The following RNF166 variants were observed in gnomAD, a reference collection of about 807,000 sequenced individuals.
The protein encoded by RNF166 is ring finger protein 166.
In RNF166, 19 loss-of-function variants were observed where a neutral mutation model predicts 29.4. The ratio of observed to expected loss-of-function variants is 0.65; its 90% CI spans 0.45 to 0.95. The LOEUF is 0.95. RNF166 is among the 40% of genes least tolerant of loss of function. The probability of loss-of-function intolerance (pLI) is 0.00; values close to 1 mark genes in which losing one functional copy is unlikely to be tolerated. For synonymous variants in RNF166, 171 were observed against 134.5 expected, an observed-to-expected ratio of 1.27 and a Z score of -1.88; for missense variants, 347 against 322.1, an observed-to-expected ratio of 1.08 and a Z score of -0.59.
chr16:88,699,949 G>A (rs995152987), intron 2 of RNF166: 13 of 442,956 alleles, frequency 2.9e-5, no homozygotes, highest in Non-Finnish European at 5.2e-5. Context: ...GGACAATCTG[G>A]CCGAGGGCAG....
chr16:88,703,564 G>A (rs1910483333), intron 1 of RNF166: 1 of 985,416 alleles, frequency 1.0e-6, no homozygotes, highest in Non-Finnish European at 1.2e-6. Context: ...TGCTCTATCG[G>A]CCTAGTTTCC....
chr16:88,703,268 A>C (rs940914065), intron 1 of RNF166: 1 of 983,640 alleles, frequency 1.0e-6, no homozygotes, highest in African/African-American at 1.7e-5. Context: ...GCATAATTGC[A>C]AACACACTGG....
In RNF166 at chr16:88,698,504, C is replaced by A; in HGVS notation, c.646G>T (p.Val216Leu). Residue 216 changes from valine (V) to leucine (L), a missense_variant and splice_region_variant, in exon 5 of 6, where the codon GTG becomes TTG. Val to Leu is a conservative substitution (Grantham distance 32, BLOSUM62 1). Transcript: ENST00000312838. ...GACGGTGCTGGCGGGATGCCTACCA[C>A]AAAGGTGTCGTAGGAGAACTTGTGT... ...HRHKFSYDTF[V>L]DYSIDEEAAF... 6.4e-7 allele frequency: 1 copy of A among 1,565,210 alleles called. No individual in the cohort carries two copies. The highest frequency in any genetic ancestry group is 8.7e-7 in the Non-Finnish European group (1 of 1,154,630).
At chr16:88,704,334 CA>C in intron 1 of RNF166, 1 of 985,384 alleles carries the variant, frequency 1.0e-6, no homozygotes, top group Non-Finnish European at 1.2e-6. Flanking sequence ...CTTTGAAAGG[CA>C]AAGGCTGTGT....
At chr16:88,700,630 AGTCCTCCG>A (rs1910120696) in intron 2 of RNF166, 1 of 986,262 alleles carries the variant, frequency 1.0e-6, no homozygotes, top group Non-Finnish European at 1.2e-6. Flanking sequence ...CTAGCTGCTC[AGTCCTCCG>A]GAAGCCACTG....
chr16:88,704,938 C>T lies in RNF166; in HGVS notation c.155+1233G>A, dbSNP rs1597415074. On this transcript the variant is annotated intron_variant, in intron 1 of 5. Coordinates refer to ENST00000312838, the MANE Select transcript of RNF166 (RefSeq NM_178841.4). ...CCAGGAGATGGAGGTTGCGGTGAGCCGAGATGGCGCCACTGCACTCCAGGC... is the reference window on the plus strand; with the variant it reads ...CCAGGAGATGGAGGTTGCGGTGAGCTGAGATGGCGCCACTGCACTCCAGGC... 3.3e-5 allele frequency among the ~76,000 whole-genome samples: 5 copies of T among 152,244 alleles called. No homozygotes were observed. The South Asian group carries it at 6.2e-4, about 19-fold the overall frequency.
Position 88,706,382 on chromosome 16 carries a change from T to A in RNF166, c.-57A>T. 8.2e-7 allele frequency: 1 copy of A among 1,212,662 alleles called. No individual in the cohort carries two copies. Among genetic ancestry groups the A allele is most frequent in the Non-Finnish European group, 1.0e-6 (1 of 971,160 alleles). 75.1% of individuals were successfully genotyped at this position (1,212,662 alleles called of 1,614,324 possible). A position where few individuals can be genotyped will look rare whatever the true frequency, so the allele number is the denominator to read the frequency against. ...GCTGTCCTGGCCCGGGCCGGCCCGC[T>A]AGTCACAGCCGCTACTGCGCCGCGC... On this transcript the variant is annotated 5_prime_UTR_variant, in exon 1 of 6. Transcript: ENST00000312838.
At chr16:88,699,597 C>T (rs775351264) in intron 3 of RNF166, 23 bp downstream of exon 3, 1 of 1,582,324 alleles carries the variant, frequency 6.3e-7, no homozygotes, top group South Asian at 1.1e-5. Context: ...CAGTTCCTCT[C>T]CCTTGCCCGG....
intron 4 of RNF166, 113 bp downstream of exon 4, chr16:88,698,858 G>A: frequency 4.8e-6 from 4 of 829,404 alleles, no homozygotes; most frequent in South Asian, 1.5e-5. Context: ...GGTCCCAGGA[G>A]GCCTTTGTGG....
At chr16:88,703,365 G>A in intron 1 of RNF166, 1 of 985,502 alleles carries the variant, frequency 1.0e-6, no homozygotes, top group Non-Finnish European at 1.2e-6. Context: ...GCCACGGGCT[G>A]AGGGGAAGGA....
intron 1 of RNF166, 39 bp from the exon 2 acceptor site, chr16:88,701,457 G>A (rs112181356): frequency 7.3e-6 from 11 of 1,510,956 alleles, no homozygotes; most frequent in East Asian, 4.7e-5. Context: ...CCCGCCCCTC[G>A]GGTCTCCCGA....
At chr16:88,703,100 A>G (rs989606337) in intron 1 of RNF166, 10 of 985,444 alleles carry the variant, frequency 1.0e-5, no homozygotes, top group African/African-American at 3.5e-5. Context: ...GCAGACAGCA[A>G]GCACGTCCCA....
Position 88,703,168 on chromosome 16 carries a change from A to AGAAAG in RNF166, c.156-1755_156-1751dup, listed in dbSNP as rs1910435891. 3 of 984,734 alleles carry AGAAAG rather than the reference A, an allele frequency of 3.0e-6. No homozygotes were observed. In the South Asian group the frequency reaches 1.4e-4, roughly 46 times the overall value. 61.0% of individuals were successfully genotyped at this position (984,734 alleles called of 1,614,324 possible). ...TCCAGCAGAGAGAAACCCAGTGACC[A>AGAAAG]GAAAGCAGACGGGTGGGTGCCAGGC... On this transcript the variant is annotated intron_variant, in intron 1 of 5. Coordinates refer to ENST00000312838, the MANE Select transcript of RNF166 (RefSeq NM_178841.4).
chr16:88,706,358 C>T lies in RNF166; in HGVS notation c.-33G>A, dbSNP rs546331761. ...CCAGGCCCGCGCCGCCCGCCGCCCG[C>T]TGTCCTGGCCCGGGCCGGCCCGCTA... is the stretch of plus-strand genomic sequence containing the variant. On this transcript the variant is annotated 5_prime_UTR_variant, in exon 1 of 6. Coordinates refer to ENST00000312838, the MANE Select transcript of RNF166 (RefSeq NM_178841.4). 1.5e-4 allele frequency: 178 copies of T among 1,213,742 alleles called. No homozygotes were observed. The Middle Eastern group carries it at 1.6e-3, about 11-fold the overall frequency. 75.2% of individuals were successfully genotyped at this position (1,213,742 alleles called of 1,614,324 possible). A position where few individuals can be genotyped will look rare whatever the true frequency, so the allele number is the denominator to read the frequency against.
At chr16:88,705,414 G>A (rs187650301) in intron 1 of RNF166, among the ~76,000 whole-genome samples, 138 of 152,360 alleles carry the variant, frequency 9.1e-4, no homozygotes, top group Non-Finnish European at 1.7e-3. Flanking sequence ...TCAGCACTTA[G>A]GAGGGAGCAG....
In RNF166 at chr16:88,699,233, A is replaced by C; in HGVS notation, c.426-148T>G. 4.4e-6 allele frequency: 3 copies of C among 675,872 alleles called. No individual in the cohort carries two copies. The South Asian group carries it at 5.1e-5, about 11-fold the overall frequency. The allele number at this position is 675,872 out of a possible 1,614,324, so 41.9% of individuals were successfully genotyped here. A position where few individuals can be genotyped will look rare whatever the true frequency, so the allele number is the denominator to read the frequency against. On this transcript the variant is annotated intron_variant, in intron 3 of 5. Coordinates refer to ENST00000312838, the MANE Select transcript of RNF166 (RefSeq NM_178841.4). ...GGCTGGGTGCCCCCCGTGCCTCTGC[A>C]CGCCATGGCCTCCTGAGGACACACC...
At chr16:88,703,124 G>C in intron 1 of RNF166, 1 of 985,534 alleles carries the variant, frequency 1.0e-6, no homozygotes, top group Middle Eastern at 5.2e-4. Flanking sequence ...GTGTCGTGGG[G>C]GTCCACTCAC....
At position 88,701,246 on chromosome 16, in the gene RNF166, C is replaced by A; in HGVS notation, c.312+16G>T. On this transcript the variant is annotated intron_variant, in intron 2 of 5. Transcript: ENST00000312838. ...CAAGTGACCCCGGCTCCAGGGCGGC[C>A]CAAGCAGGCGGGTACCTTTTTGTTG... 1 of 1,613,400 alleles carries A rather than the reference C, an allele frequency of 6.2e-7. No individual in the cohort carries two copies. The highest frequency in any genetic ancestry group is 8.5e-7 in the Non-Finnish European group (1 of 1,179,878).
chr16:88,705,308 C>G (rs1010487562), intron 1 of RNF166, among the ~76,000 whole-genome samples: 1 of 152,354 alleles, frequency 6.6e-6, no homozygotes, highest in Middle Eastern at 3.4e-3. Flanking sequence ...GCACCCCCCT[C>G]CACTCCACCA....
Sources: gnomAD v4.1 joint callset for allele counts (sites outside exome capture counted in the v4.1 genomes callset) on GRCh38, gnomAD v4.1.1 for gene constraint, MANE v1.5 for transcripts, NCBI Gene and HGNC (gene_info 2026-07-23, HGNC 2026-07-21) for gene names.